The following COL10A1 variants were observed in gnomAD, a reference collection of about 807,000 sequenced individuals.
COL10A1 encodes collagen type X alpha 1 chain.
COL10A1 carries 10 observed loss-of-function variants against 18.2 expected under a neutral mutation model. The observed-to-expected ratio is 0.55, with a 90% CI of 0.34 to 0.93. COL10A1 has a LOEUF of 0.93. Among genes scored for constraint, COL10A1 ranks in the 40% least tolerant of loss-of-function variants. COL10A1 has a pLI of 0.02. For missense variants in COL10A1, 897 were observed against 853.5 expected (o/e 1.05, Z -0.64); for synonymous variants, 330 against 316.6 (o/e 1.04, Z -0.45).
At chr6:116,201,778 T>C in the COL10A1 span, among the ~76,000 whole-genome samples, 1 of 151,864 alleles carries the variant, frequency 6.6e-6, no homozygotes, top group African/African-American at 2.4e-5. Flanking sequence ...CTGGGCAGAG[T>C]ATTTCCCCTT....
In COL10A1 at chr6:116,125,274, A is replaced by C. The variant is rs1039586029; in HGVS notation, c.154+65T>G. 7 of 1,558,760 alleles carry C rather than the reference A, an allele frequency of 4.5e-6. No individual in the cohort carries two copies. In the African/African-American group the frequency reaches 8.2e-5, roughly 18 times the overall value. On this transcript the variant is annotated intron_variant, in intron 2 of 2. Transcript: ENST00000651968. ...AAGTTAAATGCATTTTGTTAAAGAG[A>C]TTATTAAGATTATAGAAAGCAACAA...
chr6:116,128,099 A>G (rs867312202), upstream of COL10A1, among the ~76,000 whole-genome samples: 8 of 152,280 alleles, frequency 5.3e-5, no homozygotes, highest in Middle Eastern at 3.4e-3. Context: ...AATCCATACC[A>G]GGAGGTTGTA....
chr6:116,162,509 T>A (rs1780358382), upstream of COL10A1, among the ~76,000 whole-genome samples: 1 of 152,164 alleles, frequency 6.6e-6, no homozygotes, highest in African/African-American at 2.4e-5. Flanking sequence ...TTATTGCATG[T>A]TTTTTCTGCA....
intron 1 of COL10A1, among the ~76,000 whole-genome samples, chr6:116,140,652 C>G (rs961593547): frequency 6.6e-6 from 1 of 152,086 alleles, no homozygotes; most frequent in African/African-American, 2.4e-5. Context: ...CTCTGTCCTT[C>G]TAGAAAGTAT....
At chr6:116,198,210 T>G in the COL10A1 span, among the ~76,000 whole-genome samples, 3 of 152,086 alleles carry the variant, frequency 2.0e-5, no homozygotes, top group Non-Finnish European at 4.4e-5. Flanking sequence ...AGTTTCTGGG[T>G]AACAGCCATC....
At chr6:116,167,206 A>ATTTTTTTTTTTTTTTTTTTTTTTTT in the COL10A1 span, among the ~76,000 whole-genome samples, 2 of 87,796 alleles carry the variant, frequency 2.3e-5, no homozygotes, top group Non-Finnish European at 4.2e-5. Context: ...CAAATAGAAG[A>ATTTTTTTTTTTTTTTTTTTTTTTTT]TTTTTTTTTT....
chr6:116,141,885 AACACACACACACACACAC>A (rs3051942), intron 1 of COL10A1, among the ~76,000 whole-genome samples: 6 of 140,330 alleles, frequency 4.3e-5, no homozygotes, highest in Admixed American at 2.1e-4. Context: ...CCAAAAAGAA[AACACACACACACACACAC>A]ACACACACAC....
chr6:116,187,623 T>A, the COL10A1 span, among the ~76,000 whole-genome samples: 1 of 152,054 alleles, frequency 6.6e-6, no homozygotes, highest in African/African-American at 2.4e-5. Context: ...GGGAAAGGAC[T>A]GTCATAAAGG....
chr6:116,156,981 C>T (rs1780210589), intron 1 of COL10A1, among the ~76,000 whole-genome samples: 1 of 152,122 alleles, frequency 6.6e-6, no homozygotes, highest in Non-Finnish European at 1.5e-5. Context: ...TTTTCCTCAT[C>T]ATAGCTTGTT....
At chr6:116,174,221 C>T in the COL10A1 span, among the ~76,000 whole-genome samples, 12 of 152,204 alleles carry the variant, frequency 7.9e-5, no homozygotes, top group African/African-American at 2.9e-4. Context: ...TCTTATTCCC[C>T]TTTGCATACT....
intron 1 of COL10A1, among the ~76,000 whole-genome samples, chr6:116,144,191 A>G (rs1779835479): frequency 6.6e-6 from 1 of 152,138 alleles, no homozygotes; most frequent in African/African-American, 2.4e-5. Flanking sequence ...AAACAAACAT[A>G]TTCTTCTTAC....
chr6:116,158,213 A>G (rs2114418354), intron 1 of COL10A1, among the ~76,000 whole-genome samples: 1 of 152,208 alleles, frequency 6.6e-6, no homozygotes, highest in African/African-American at 2.4e-5. Context: ...GATGTTTAGT[A>G]TTACAAGTGA....
chr6:116,216,166 C>T, the COL10A1 span, among the ~76,000 whole-genome samples: 1 of 151,932 alleles, frequency 6.6e-6, no homozygotes, highest in Admixed American at 6.6e-5. Context: ...TAATTGGCAA[C>T]AGTTATTATT....
the COL10A1 span, among the ~76,000 whole-genome samples, chr6:116,202,740 A>G: frequency 6.6e-6 from 1 of 152,038 alleles, no homozygotes; most frequent in South Asian, 2.1e-4. Flanking sequence ...TGCATTGCAG[A>G]TAAACATTAA....
chr6:116,150,127 C>T (rs1780001046), intron 1 of COL10A1, among the ~76,000 whole-genome samples: 1 of 152,070 alleles, frequency 6.6e-6, no homozygotes, highest in Non-Finnish European at 1.5e-5. Context: ...TTGACAAGGG[C>T]AATGAGAGGC....
At chr6:116,213,907 C>CT in the COL10A1 span, among the ~76,000 whole-genome samples, 1,764 of 151,858 alleles carry the variant, frequency 0.012, 35 homozygotes, top group African/African-American at 0.04. Flanking sequence ...ACCCACACTA[C>CT]TTTTTTTTGT....
the COL10A1 span, among the ~76,000 whole-genome samples, chr6:116,174,122 A>G: frequency 1.3e-5 from 2 of 152,210 alleles, no homozygotes; most frequent in South Asian, 2.1e-4. Context: ...TATGAGGGGT[A>G]CATGCTGTCA....
At chr6:116,121,997 G>T (rs1353064604) in intron 2 of COL10A1, 36 bp from the exon 3 acceptor site, 12 of 1,564,968 alleles carry the variant, frequency 7.7e-6, no homozygotes, top group Non-Finnish European at 8.8e-6. Context: ...CCCATAGAAG[G>T]GGATGGTTAG....
chr6:116,121,825 T>G lies in COL10A1; in HGVS notation c.291A>C (p.Pro97=), dbSNP rs1562125067. 7 of 1,613,874 alleles carry G rather than the reference T, an allele frequency of 4.3e-6. No homozygotes were observed. Among genetic ancestry groups the G allele is most frequent in the Non-Finnish European group, 5.9e-6 (7 of 1,179,944 alleles). Reference sequence around the variant, plus strand: ...CTACAGCTGATGGTCCCGGTGGTCCTGGCAACCCTGGCTCTCCTTGGAGTC... The same window carrying G: ...CTACAGCTGATGGTCCCGGTGGTCCGGGCAACCCTGGCTCTCCTTGGAGTC... ...SPGLQGEPGL[P]GPPGPSAVGK... is the part of the protein sequence containing the mutation. Residue 97 remains proline (P), a synonymous_variant, in exon 3 of 3, where the codon CCA becomes CCC. Coordinates refer to ENST00000651968, the MANE Select transcript of COL10A1 (RefSeq NM_000493.4).
Sources: allele counts gnomAD v4.1 joint callset (sites outside exome capture counted in the v4.1 genomes callset), GRCh38; gene constraint gnomAD v4.1.1; transcripts MANE v1.5; gene names NCBI Gene and HGNC (gene_info 2026-07-23, HGNC 2026-07-21).